The following CACNA1C variants were observed in gnomAD, a reference collection of about 807,000 sequenced individuals.
The protein encoded by CACNA1C is voltage-dependent L-type calcium channel subunit alpha-1C.
In CACNA1C, 30 loss-of-function variants were observed where a neutral mutation model predicts 229.0. The ratio of observed to expected loss-of-function variants is 0.13; its 90% confidence interval spans 0.10 to 0.18. The LOEUF (loss-of-function observed/expected upper bound fraction) is 0.18, where lower values mean the gene tolerates loss of function less well. CACNA1C is among the 10% of genes least tolerant of loss of function. The probability of loss-of-function intolerance (pLI) is 1.00; values close to 1 mark genes in which losing one functional copy is unlikely to be tolerated. For synonymous variants in CACNA1C, 1,114 were observed against 1,132.5 expected (o/e 0.98, Z 0.33); for missense variants, 1,658 against 2,845.0 (o/e 0.58, Z 9.49).
intron 1 of CACNA1C, chr12:2,004,153 T>G (rs1423208186): frequency 7.4e-7 from 1 of 1,349,916 alleles, no homozygotes; most frequent in Non-Finnish European, 1.0e-6. Context: ...TCGGCCTCAG[T>G]CCCCAGATCC....
intron 3 of CACNA1C, among the ~76,000 whole-genome samples, chr12:2,203,646 G>A (rs995368054): frequency 5.9e-5 from 9 of 152,124 alleles, no homozygotes; most frequent in Non-Finnish European, 8.8e-5. Flanking sequence ...CTGAATGTAG[G>A]GAAAGAGAGC....
intron 3 of CACNA1C, among the ~76,000 whole-genome samples, chr12:2,266,926 T>C (rs1450114966): frequency 6.6e-6 from 1 of 152,236 alleles, no homozygotes; most frequent in Non-Finnish European, 1.5e-5. Context: ...ATAATGAAGC[T>C]ACACTGACTG....
intron 3 of CACNA1C, among the ~76,000 whole-genome samples, chr12:2,179,214 A>C (rs1431736958): frequency 6.6e-6 from 1 of 152,238 alleles, no homozygotes; most frequent in Non-Finnish European, 1.5e-5. Context: ...TAAAACTCTC[A>C]GTGTTCTGTG....
chr12:2,297,720 A>G (rs1393185438), intron 3 of CACNA1C, among the ~76,000 whole-genome samples: 1 of 152,212 alleles, frequency 6.6e-6, no homozygotes, highest in Admixed American at 6.5e-5. Context: ...ACAGATAAAC[A>G]TGCATCTATA....
chr12:2,128,618 A>G (rs1030310719), intron 3 of CACNA1C, among the ~76,000 whole-genome samples: 3 of 152,064 alleles, frequency 2.0e-5, no homozygotes, highest in African/African-American at 7.2e-5. Context: ...TCACCGTGTT[A>G]GTCAGGATGG....
At position 2,215,079 on chromosome 12, in the gene CACNA1C, C is replaced by T. The variant is rs144930156; in HGVS notation, c.477+94649C>T. On this transcript the variant is annotated intron_variant, in intron 3 of 46. Transcript: ENST00000399655. This position sits in a 1 kb window ranked among gnomAD's most constrained non-coding sequence, Gnocchi z 5.0. ...AGGACCTGCATTGCAGCGGGTGTGT[C>T]GGAGGGCTCAGCAAACGTGTGCTGC... Among the ~76,000 whole-genome samples, 1,079 of 152,080 alleles carry T rather than the reference C, an allele frequency of 7.1e-3. 13 individuals are homozygous for T. Among genetic ancestry groups the T allele is most frequent in the African/African-American group, 0.025 (1,041 of 41,472 alleles).
chr12:2,236,741 T>C (rs2067529686), intron 3 of CACNA1C, among the ~76,000 whole-genome samples: 2 of 152,202 alleles, frequency 1.3e-5, no homozygotes, highest in South Asian at 4.1e-4. Context: ...CCTTTGATTC[T>C]TGAGTGTGCC....
At position 2,287,759 on chromosome 12, in the gene CACNA1C, C is replaced by A. The variant is rs758867748; in HGVS notation, c.478-161217C>A. ...ACACAGATTCCTGGGCTCCAGCTTC[C>A]GAGTTTCAGTGGCTCCAGGATGGAG... On this transcript the variant is annotated intron_variant, in intron 3 of 46. Coordinates refer to ENST00000399655, the MANE Select transcript of CACNA1C (RefSeq NM_000719.7). The surrounding 1 kb of genome is among the most constrained non-coding windows in gnomAD (Gnocchi z 4.6). Among the ~76,000 whole-genome samples, 1 of 152,162 alleles carries A rather than the reference C, an allele frequency of 6.6e-6. No individual in the cohort carries two copies. Among genetic ancestry groups the A allele is most frequent in the Admixed American group, 6.5e-5 (1 of 15,272 alleles).
chr12:2,470,967 G>T (rs2099588931), intron 5 of CACNA1C, among the ~76,000 whole-genome samples: 1 of 152,112 alleles, frequency 6.6e-6, no homozygotes, highest in African/African-American at 2.4e-5. Flanking sequence ...AAGTAGCTGG[G>T]ATTATAGGCA....
intron 3 of CACNA1C, among the ~76,000 whole-genome samples, chr12:2,322,190 G>A (rs1430178089): frequency 1.3e-5 from 2 of 152,222 alleles, no homozygotes; most frequent in African/African-American, 4.8e-5. Flanking sequence ...GATGAACAAG[G>A]AGAAGTGCTT....
At chr12:2,466,901 C>A (rs1052794742) in intron 5 of CACNA1C, among the ~76,000 whole-genome samples, 1 of 152,168 alleles carries the variant, frequency 6.6e-6, no homozygotes, top group African/African-American at 2.4e-5. Flanking sequence ...TTCTCACCCC[C>A]TCTCATGTCC....
chr12:2,545,966 G>A (rs1402669951), intron 9 of CACNA1C, among the ~76,000 whole-genome samples: 1 of 152,272 alleles, frequency 6.6e-6, no homozygotes, highest in African/African-American at 2.4e-5. Flanking sequence ...CTCCAGTGCA[G>A]TGGCTGGTGT....
At chr12:2,389,820 C>T (rs2098454030) in intron 3 of CACNA1C, among the ~76,000 whole-genome samples, 1 of 152,144 alleles carries the variant, frequency 6.6e-6, no homozygotes, top group East Asian at 1.9e-4. Context: ...TCTTCCAACC[C>T]TCCGGCACCG....
chr12:2,439,609 G>C (rs1364454124), intron 3 of CACNA1C, among the ~76,000 whole-genome samples: 1 of 152,160 alleles, frequency 6.6e-6, no homozygotes, highest in Non-Finnish European at 1.5e-5. Context: ...ACACCCATGT[G>C]CTGGGGCAGG....
In CACNA1C at chr12:2,067,619, C is replaced by T. The variant is rs559613861; in HGVS notation, c.49+14008C>T. On this transcript the variant is annotated intron_variant, in intron 1 of 46. Transcript: ENST00000399655. This position sits in a 1 kb window ranked among gnomAD's most constrained non-coding sequence, Gnocchi z 5.3. ...CTCGTGGTGTGCAGCCCTGAGGTCA[C>T]GTTTGTGACGTGGATGGAAGGAAGC... Among the ~76,000 whole-genome samples, 4 of 152,206 alleles carry T rather than the reference C, an allele frequency of 2.6e-5. No individual in the cohort carries two copies. In the South Asian group the frequency reaches 6.2e-4, roughly 24 times the overall value.
upstream of CACNA1C, chr12:2,052,980 G>A (rs1400435439): frequency 4.8e-5 from 47 of 982,270 alleles, no homozygotes; most frequent in African/African-American, 1.4e-4. Flanking sequence ...GCTCTCGCGC[G>A]CCCGGTGTCT....
intron 3 of CACNA1C, among the ~76,000 whole-genome samples, chr12:2,428,811 G>A (rs1235051208): frequency 1.3e-5 from 2 of 152,226 alleles, no homozygotes; most frequent in African/African-American, 4.8e-5. Flanking sequence ...GGGAAACCAA[G>A]AGGCTGATGC....
intron 3 of CACNA1C, among the ~76,000 whole-genome samples, chr12:2,226,560 A>G (rs1368707598): frequency 1.3e-5 from 2 of 152,184 alleles, no homozygotes; most frequent in African/African-American, 4.8e-5. Flanking sequence ...TTTCCTCTCC[A>G]TATCTCATGT....
chr12:2,552,165 G>A (rs1348540586), intron 10 of CACNA1C, among the ~76,000 whole-genome samples: 1 of 152,226 alleles, frequency 6.6e-6, no homozygotes, highest in African/African-American at 2.4e-5. Context: ...AGGAATTTCA[G>A]GACAGAGCTG....
Sources: allele counts gnomAD v4.1 joint callset (sites outside exome capture counted in the v4.1 genomes callset), GRCh38; gene constraint gnomAD v4.1.1; non-coding constraint Gnocchi (gnomAD v3.1); transcripts MANE v1.5; gene names NCBI Gene and HGNC (gene_info 2026-07-23, HGNC 2026-07-21).